CLASP1: variants seen among roughly 807,000 people sequenced by gnomAD.
CLASP1 encodes cytoplasmic linker associated protein 1.
Under a neutral mutation model 192.3 loss-of-function variants are expected in CLASP1, and 38 were observed. That is an observed-to-expected ratio of 0.20 (90% CI 0.15 to 0.26). The LOEUF is 0.26. Ranked by LOEUF, CLASP1 falls within the 10% of genes least tolerant of loss-of-function variation. CLASP1 has a pLI of 1.00. For synonymous variants in CLASP1, 691 were observed against 712.8 expected (o/e 0.97, Z 0.49); for missense variants, 1,433 against 1,932.5 (o/e 0.74, Z 4.85).
chr2:121,575,584 G>A (rs1559655678), intron 2 of CLASP1, among the ~76,000 whole-genome samples: 1 of 152,186 alleles, frequency 6.6e-6, no homozygotes, highest in Non-Finnish European at 1.5e-5. Flanking sequence ...AAAGAGGTAT[G>A]GCAGGTAGTA....
At chr2:121,399,342 G>A (rs558617795) in intron 28 of CLASP1, among the ~76,000 whole-genome samples, 5 of 152,244 alleles carry the variant, frequency 3.3e-5, no homozygotes, top group South Asian at 2.1e-4. Context: ...AGATCTCTTC[G>A]GGAAGGAAAG....
rs1390918390 is a variant in CLASP1 at position 121,403,734 on chromosome 2, T to C, written c.2733+637A>G. ...CGTCTTTTCCACCACCCCTGGAAAGTGTTCTGTCCCATACTCATGGGCATT... is the reference window on the plus strand; with the variant it reads ...CGTCTTTTCCACCACCCCTGGAAAGCGTTCTGTCCCATACTCATGGGCATT... On this transcript the variant is annotated intron_variant, in intron 26 of 39. Coordinates refer to ENST00000263710, the Ensembl canonical transcript of CLASP1. The C allele has an allele frequency of 1.1e-5, 5 of 464,988 alleles. No individual in the cohort carries two copies. In the East Asian group the frequency reaches 2.6e-4, roughly 24 times the overall value. 28.8% of individuals were successfully genotyped at this position (464,988 alleles called of 1,614,324 possible).
At chr2:121,384,572 G>T (rs2072754226) in intron 32 of CLASP1, among the ~76,000 whole-genome samples, 1 of 151,594 alleles carries the variant, frequency 6.6e-6, no homozygotes, top group African/African-American at 2.4e-5. Context: ...TAGAAATTTT[G>T]GACTAAAAAA....
chr2:121,562,264 C>A (rs916031226), intron 2 of CLASP1, among the ~76,000 whole-genome samples: 1 of 152,224 alleles, frequency 6.6e-6, no homozygotes, highest in Non-Finnish European at 1.5e-5. Context: ...ACCCTCAGGG[C>A]CTGCCTGTGA....
intron 39 of CLASP1, among the ~76,000 whole-genome samples, chr2:121,342,407 C>T (rs186610838): frequency 1.3e-5 from 2 of 152,036 alleles, no homozygotes; most frequent in East Asian, 3.9e-4. Context: ...CGTGAGCCAC[C>T]GCACCTAGCC....
At chr2:121,558,008 A>G (rs1335839183) in intron 2 of CLASP1, among the ~76,000 whole-genome samples, 4 of 149,192 alleles carry the variant, frequency 2.7e-5, no homozygotes, top group Non-Finnish European at 4.5e-5. Flanking sequence ...TGAACCCAGG[A>G]GGCTGAGGTT....
intron 1 of CLASP1, among the ~76,000 whole-genome samples, chr2:121,611,404 G>T (rs2065454402): frequency 7.0e-6 from 1 of 143,424 alleles, no homozygotes; most frequent in East Asian, 2.2e-4. Context: ...ACTGGAGGAG[G>T]AGGAGGAGTT....
At chr2:121,579,824 C>A (rs1444207809) in intron 2 of CLASP1, among the ~76,000 whole-genome samples, 2 of 151,700 alleles carry the variant, frequency 1.3e-5, no homozygotes, top group Non-Finnish European at 2.9e-5. Context: ...AAGTCTGAGG[C>A]AAAAATAACA....
intron 2 of CLASP1, among the ~76,000 whole-genome samples, chr2:121,585,208 T>C (rs1430486942): frequency 6.6e-6 from 1 of 152,200 alleles, no homozygotes; most frequent in Admixed American, 6.5e-5. Context: ...CAATTATAAA[T>C]TGCCTATTTT....
chr2:121,550,562 G>C (rs2057942626), intron 2 of CLASP1, among the ~76,000 whole-genome samples: 2 of 151,994 alleles, frequency 1.3e-5, no homozygotes, highest in African/African-American at 4.8e-5. Flanking sequence ...TGAAGAAAAT[G>C]TTACTACTGA....
At chr2:121,377,445 C>T (rs1473561868) in intron 34 of CLASP1, 54 bp downstream of exon 35, 2 of 1,301,334 alleles carry the variant, frequency 1.5e-6, no homozygotes, top group East Asian at 2.4e-5. Context: ...TCAGAAGTCT[C>T]ATTATCTGTC....
intron 2 of CLASP1, among the ~76,000 whole-genome samples, chr2:121,569,945 GC>G (rs1336195057): frequency 6.6e-6 from 1 of 152,184 alleles, no homozygotes; most frequent in African/African-American, 2.4e-5. Flanking sequence ...GGTTAAGAGT[GC>G]AGACTCTGGA....
In CLASP1 at chr2:121,530,988, T is replaced by G. The variant is rs544511887; in HGVS notation, c.196-663A>C. Reference sequence around the variant, plus strand: ...CATCAACTAGAGCTTTTGCTTTATTTTGGTGCAATTTTTGGAAAAATGAAA... The same window carrying G: ...CATCAACTAGAGCTTTTGCTTTATTGTGGTGCAATTTTTGGAAAAATGAAA... On this transcript the variant is annotated intron_variant, in intron 2 of 39. Transcript: ENST00000263710. 18 of 700,244 alleles carry G rather than the reference T, an allele frequency of 2.6e-5. No individual in the cohort carries two copies. The highest frequency in any genetic ancestry group is 2.0e-4 in the Admixed American group (10 of 49,994). The allele number at this position is 700,244 out of a possible 1,614,324, so 43.4% of individuals were successfully genotyped here. A position where few individuals can be genotyped will look rare whatever the true frequency, so the allele number is the denominator to read the frequency against.
At position 121,349,248 on chromosome 2, in the gene CLASP1, AAAG is replaced by A. The variant is rs537248568; in HGVS notation, c.4207-533_4207-531del. Among the ~76,000 whole-genome samples, 302 of 149,350 alleles carry A rather than the reference AAAG, an allele frequency of 2.0e-3. 1 individual carries two copies. Among genetic ancestry groups the A allele is most frequent in the South Asian group, 3.3e-3 (16 of 4,790 alleles). ...GTGCAAGACTCTGTCTCAAAAAAAAAAAGAAAAGAAAAGAAAAGAAAAGTGGTA... is the reference window on the plus strand; with the variant it reads ...GTGCAAGACTCTGTCTCAAAAAAAAAAAAAGAAAAGAAAAGAAAAGTGGTA... On this transcript the variant is annotated intron_variant, in intron 37 of 39. Transcript: ENST00000263710.
intron 1 of CLASP1, among the ~76,000 whole-genome samples, chr2:121,617,622 G>A (rs980857817): frequency 2.0e-5 from 3 of 152,164 alleles, no homozygotes; most frequent in Admixed American, 1.3e-4. Flanking sequence ...CCACTCAGCA[G>A]CAATCCAAAG....
intron 39 of CLASP1, among the ~76,000 whole-genome samples, chr2:121,341,759 A>C (rs185678414): frequency 6.6e-6 from 1 of 152,366 alleles, no homozygotes; most frequent in East Asian, 1.9e-4. Context: ...TAGAGGACTT[A>C]ACCTGATAAA....
At chr2:121,490,812 T>C (rs1232503929) in intron 8 of CLASP1, among the ~76,000 whole-genome samples, 1 of 152,218 alleles carries the variant, frequency 6.6e-6, no homozygotes, top group East Asian at 1.9e-4. Flanking sequence ...ATGGAAACAC[T>C]TTCCTAAGAT....
At chr2:121,427,869 T>C (rs1416274156) in intron 20 of CLASP1, among the ~76,000 whole-genome samples, 1 of 152,218 alleles carries the variant, frequency 6.6e-6, no homozygotes, top group Non-Finnish European at 1.5e-5. Context: ...ATATGCCAAT[T>C]ATTAAGGGCC....
chr2:121,401,894 G>A (rs770650921), intron 26 of CLASP1, 24 bp from the exon 28 acceptor site: 13 of 700,942 alleles, frequency 1.9e-5, no homozygotes, highest in African/African-American at 6.9e-5. Context: ...CACCGCAAAC[G>A]AGGCCATGCA....
Sources: gnomAD v4.1 joint callset for allele counts (sites outside exome capture counted in the v4.1 genomes callset) on GRCh38, gnomAD v4.1.1 for gene constraint, MANE v1.5 for transcripts, NCBI Gene and HGNC (gene_info 2026-07-23, HGNC 2026-07-21) for gene names.